CNTN5: variants seen among roughly 807,000 people sequenced by gnomAD.
CNTN5 encodes the protein contactin 5, also known as contactin-5.
CNTN5 carries 77 observed loss-of-function variants against 129.1 expected under a neutral mutation model. The observed-to-expected ratio is 0.60, with a 90% CI of 0.50 to 0.72. CNTN5 has a LOEUF of 0.72. Among genes scored for constraint, CNTN5 ranks in the 30% least tolerant of loss-of-function variants. CNTN5 has a pLI of 0.00. For missense variants in CNTN5, 1,478 were observed against 1,328.8 expected, an observed-to-expected ratio of 1.11 and a Z score of -1.75; for synonymous variants, 509 against 465.6, an observed-to-expected ratio of 1.09 and a Z score of -1.20.
intron 2 of CNTN5, among the ~76,000 whole-genome samples, chr11:99,325,839 G>A (rs559208167): frequency 1.3e-5 from 2 of 152,284 alleles, no homozygotes; most frequent in South Asian, 2.1e-4. Flanking sequence ...CCTGTTCCAT[G>A]ATATCTTTCT....
intron 6 of CNTN5, among the ~76,000 whole-genome samples, chr11:99,851,776 A>G (rs1176325670): frequency 2.0e-5 from 3 of 152,190 alleles, no homozygotes; most frequent in African/African-American, 7.2e-5. Context: ...ACTCTTTGAG[A>G]GATTATATGA....
At chr11:99,745,286 A>C (rs17134306) in intron 3 of CNTN5, among the ~76,000 whole-genome samples, 16,872 of 152,214 alleles carry the variant, frequency 0.11, 1,118 homozygotes, top group African/African-American at 0.18. Flanking sequence ...AGCTTCACTA[A>C]GGTCAATGTA....
intron 1 of CNTN5, among the ~76,000 whole-genome samples, chr11:99,261,541 A>G (rs1056294747): frequency 5.3e-5 from 8 of 152,066 alleles, no homozygotes; most frequent in Non-Finnish European, 1.2e-4. Flanking sequence ...TAACACTATT[A>G]TCTTTGGGCT....
intron 6 of CNTN5, among the ~76,000 whole-genome samples, chr11:99,908,355 G>A (rs10501931): frequency 0.057 from 8,629 of 152,002 alleles, 829 homozygotes; most frequent in African/African-American, 0.2. Flanking sequence ...TATACTAAAC[G>A]ATTTTCTGGT....
chr11:99,640,162 C>T (rs1289967646), intron 3 of CNTN5, among the ~76,000 whole-genome samples: 1 of 152,144 alleles, frequency 6.6e-6, no homozygotes, highest in Non-Finnish European at 1.5e-5. Flanking sequence ...GTCTTCTGAG[C>T]CCTCCAAACT....
intron 1 of CNTN5, among the ~76,000 whole-genome samples, chr11:99,303,757 G>A (rs1363342440): frequency 6.6e-6 from 1 of 151,932 alleles, no homozygotes; most frequent in East Asian, 1.9e-4. Flanking sequence ...TTTGGTGATT[G>A]CATAAGAATG....
intron 3 of CNTN5, among the ~76,000 whole-genome samples, chr11:99,615,622 G>A (rs1021482837): frequency 2.6e-5 from 4 of 152,112 alleles, no homozygotes; most frequent in Admixed American, 2.0e-4. Context: ...GAATAGTACA[G>A]AGAAGTCCTA....
chr11:99,541,862 G>C (rs4438000), intron 2 of CNTN5, among the ~76,000 whole-genome samples: 2 of 149,682 alleles, frequency 1.3e-5, no homozygotes, highest in Non-Finnish European at 3.0e-5. Flanking sequence ...GGTTGTGGGA[G>C]AGCTTGAACC....
rs71050010 is a variant in CNTN5, at chr11:99,639,559, G to GTTTTTTTTT, written c.55+83305_55+83313dup. ...TTAACAGCACCCAAGTCACCTTTAT[G>GTTTTTTTTT]TTTTTTTTTTTTTTTTTTTTTTTGA... On this transcript the variant is annotated intron_variant, in intron 3 of 24. Coordinates refer to ENST00000524871, the MANE Select transcript of CNTN5 (RefSeq NM_014361.4). 6.7e-4 allele frequency among the ~76,000 whole-genome samples: 47 copies of GTTTTTTTTT among 70,288 alleles called. 3 individuals are homozygous for GTTTTTTTTT. Among genetic ancestry groups the GTTTTTTTTT allele is most frequent in the Non-Finnish European group, 9.5e-4 (38 of 39,792 alleles). 46.1% of individuals were successfully genotyped at this position (70,288 alleles called of 152,430 possible).
chr11:100,316,083 C>A (rs1327967992), intron 21 of CNTN5, among the ~76,000 whole-genome samples: 1 of 152,150 alleles, frequency 6.6e-6, no homozygotes, highest in Non-Finnish European at 1.5e-5. Flanking sequence ...TCTCTGAATC[C>A]TAGAGCAGAG....
chr11:100,301,921 C>A (rs1411593432), intron 20 of CNTN5, among the ~76,000 whole-genome samples: 1 of 151,596 alleles, frequency 6.6e-6, no homozygotes, highest in East Asian at 1.9e-4. Flanking sequence ...CCTATAATCC[C>A]AACACATTGG....
At chr11:99,574,173 G>A (rs1949270839) in intron 3 of CNTN5, among the ~76,000 whole-genome samples, 1 of 152,066 alleles carries the variant, frequency 6.6e-6, no homozygotes, top group Admixed American at 6.6e-5. Flanking sequence ...TTCTGTTCCT[G>A]TGTTAGTTTG....
At chr11:99,112,959 C>G (rs1406450337) in intron 1 of CNTN5, among the ~76,000 whole-genome samples, 1 of 151,886 alleles carries the variant, frequency 6.6e-6, no homozygotes, top group Admixed American at 6.6e-5. Context: ...GTGAGATTTA[C>G]AAATGGCATT....
At chr11:99,173,441 A>G (rs917148254) in intron 1 of CNTN5, among the ~76,000 whole-genome samples, 9 of 152,216 alleles carry the variant, frequency 5.9e-5, no homozygotes, top group Non-Finnish European at 1.0e-4. Flanking sequence ...AGACTTCTCT[A>G]TATGTTCCAC....
chr11:99,097,158 G>A (rs1007968350), intron 1 of CNTN5, among the ~76,000 whole-genome samples: 1 of 151,892 alleles, frequency 6.6e-6, no homozygotes, highest in African/African-American at 2.4e-5. Context: ...AACCACTGGT[G>A]TATCCTTTTA....
chr11:99,808,754 C>G (rs1310404465), intron 3 of CNTN5, among the ~76,000 whole-genome samples: 1 of 152,166 alleles, frequency 6.6e-6, no homozygotes, highest in African/African-American at 2.4e-5. Flanking sequence ...AATTTCACCT[C>G]TACTGCCAAG....
intron 1 of CNTN5, among the ~76,000 whole-genome samples, chr11:99,078,335 G>A (rs976049673): frequency 6.6e-6 from 1 of 152,170 alleles, no homozygotes; most frequent in African/African-American, 2.4e-5. Context: ...TGGTAGAAAT[G>A]TAAATGTGTA....
chr11:99,275,267 C>A (rs1169622660), intron 1 of CNTN5, among the ~76,000 whole-genome samples: 2 of 151,074 alleles, frequency 1.3e-5, no homozygotes, highest in African/African-American at 4.8e-5. Context: ...GTCCTTGTCT[C>A]CTTTCTTTAA....
At chr11:100,103,690 A>G (rs1945309402) in intron 13 of CNTN5, among the ~76,000 whole-genome samples, 1 of 152,190 alleles carries the variant, frequency 6.6e-6, no homozygotes, top group South Asian at 2.1e-4. Flanking sequence ...ACAGGGTTGA[A>G]GAGAAGAATC....
Sources: gnomAD v4.1 joint callset for allele counts (sites outside exome capture counted in the v4.1 genomes callset) on GRCh38, gnomAD v4.1.1 for gene constraint, MANE v1.5 for transcripts, NCBI Gene and HGNC (gene_info 2026-07-23, HGNC 2026-07-21) for gene names.